Variants in CSTPP1 observed in about 807,000 individuals in gnomAD.
CSTPP1 encodes centriolar satellite-associated tubulin polyglutamylase complex regulator 1, also known as UPF0705 protein C11orf49.
At chr11:47,112,313 ATTTG>A in the CSTPP1 span, among the ~76,000 whole-genome samples, 93 of 150,760 alleles carry the variant, frequency 6.2e-4, no homozygotes, top group African/African-American at 1.9e-3. Context: ...TATATAGCTT[ATTTG>A]TTTGTTTGTT....
At chr11:47,155,201 G>A in the CSTPP1 span, 3 of 1,613,654 alleles carry the variant, frequency 1.9e-6, no homozygotes, top group Non-Finnish European at 8.5e-7. Flanking sequence ...CGATGCCATG[G>A]ACTGCTTGAT....
the CSTPP1 span, among the ~76,000 whole-genome samples, chr11:47,030,308 T>C: frequency 2.4e-4 from 36 of 152,184 alleles, no homozygotes; most frequent in Non-Finnish European, 4.7e-4. Flanking sequence ...CAAGATTCAC[T>C]GGCCGTTTTC....
chr11:47,027,380 G>A, the CSTPP1 span, among the ~76,000 whole-genome samples: 3 of 152,088 alleles, frequency 2.0e-5, no homozygotes, highest in Admixed American at 6.6e-5. Context: ...AGATCCAATG[G>A]GGGGAAGAGT....
chr11:47,087,739 ATTAG>A, the CSTPP1 span, among the ~76,000 whole-genome samples: 1 of 151,750 alleles, frequency 6.6e-6, no homozygotes, highest in Admixed American at 6.6e-5. Context: ...GTGTGTGTGA[ATTAG>A]TTATCTATTT....
At chr11:47,093,273 G>A in the CSTPP1 span, among the ~76,000 whole-genome samples, 1,805 of 152,306 alleles carry the variant, frequency 0.012, 77 homozygotes, top group East Asian at 0.093. Flanking sequence ...CACTTTAACA[G>A]CAAAACTGCA....
At chr11:46,943,192 C>T in the CSTPP1 span, among the ~76,000 whole-genome samples, 4 of 152,008 alleles carry the variant, frequency 2.6e-5, no homozygotes, top group Non-Finnish European at 5.9e-5. Context: ...CAAAAGCAAC[C>T]GAGACTTATT....
chr11:47,103,041 T>C, the CSTPP1 span, among the ~76,000 whole-genome samples: 1 of 140,184 alleles, frequency 7.1e-6, no homozygotes, highest in African/African-American at 2.7e-5. Flanking sequence ...CCCAAAGGCA[T>C]ACTTTGGAGA....
the CSTPP1 span, among the ~76,000 whole-genome samples, chr11:46,966,645 G>A: frequency 6.6e-6 from 1 of 152,160 alleles, no homozygotes; most frequent in East Asian, 1.9e-4. Context: ...GAGCTTGCAT[G>A]TCAAATAATC....
chr11:46,991,034 GATGTGCTAGAGAAATAC>G, the CSTPP1 span, among the ~76,000 whole-genome samples: 1 of 152,100 alleles, frequency 6.6e-6, no homozygotes, highest in Admixed American at 6.5e-5. Flanking sequence ...TTCATGAAAG[GATGTGCTAGAGAAATAC>G]ATATGCCATC....
chr11:47,048,851 A>T, the CSTPP1 span, among the ~76,000 whole-genome samples: 1 of 152,224 alleles, frequency 6.6e-6, no homozygotes, highest in South Asian at 2.1e-4. Context: ...TTACCACATT[A>T]AAAAAGTTTT....
At chr11:47,087,712 A>C in the CSTPP1 span, among the ~76,000 whole-genome samples, 1 of 151,838 alleles carries the variant, frequency 6.6e-6, no homozygotes, top group Non-Finnish European at 1.5e-5. Context: ...GTGTATGTCA[A>C]ATGTATGTGT....
chr11:47,090,582 T>C, the CSTPP1 span, among the ~76,000 whole-genome samples: 1 of 152,142 alleles, frequency 6.6e-6, no homozygotes, highest in Non-Finnish European at 1.5e-5. Context: ...TTCAGCATCA[T>C]GGGGGCTGCA....
At chr11:47,016,069 A>T in the CSTPP1 span, among the ~76,000 whole-genome samples, 1 of 152,060 alleles carries the variant, frequency 6.6e-6, no homozygotes, top group Non-Finnish European at 1.5e-5. Context: ...GTGAGCTGAG[A>T]TCATGCCACT....
At chr11:46,992,972 G>GT in the CSTPP1 span, among the ~76,000 whole-genome samples, 24,487 of 152,068 alleles carry the variant, frequency 0.16, 6,642 homozygotes, top group African/African-American at 0.56. Context: ...TTTGATTTGC[G>GT]TTCTCTGATG....
the CSTPP1 span, among the ~76,000 whole-genome samples, chr11:47,139,638 C>T: frequency 6.6e-6 from 1 of 150,570 alleles, no homozygotes; most frequent in Admixed American, 6.6e-5. Flanking sequence ...TGCCACTGCA[C>T]TCCAGCATGG....
At chr11:47,128,742 A>G in the CSTPP1 span, among the ~76,000 whole-genome samples, 1 of 152,028 alleles carries the variant, frequency 6.6e-6, no homozygotes, top group Non-Finnish European at 1.5e-5. Flanking sequence ...TCAGGCCGGG[A>G]GCAGTGGCTC....
chr11:47,156,389 G>A, the CSTPP1 span, among the ~76,000 whole-genome samples: 2 of 152,094 alleles, frequency 1.3e-5, no homozygotes, highest in African/African-American at 2.4e-5. Context: ...GTGTAGAGAC[G>A]AGATGGGCCA....
chr11:47,147,444 G>A, the CSTPP1 span, among the ~76,000 whole-genome samples: 2 of 152,160 alleles, frequency 1.3e-5, no homozygotes, highest in African/African-American at 2.4e-5. Context: ...TTGGGTTTGG[G>A]TCTTTATTCT....
the CSTPP1 span, among the ~76,000 whole-genome samples, chr11:46,977,092 C>G: frequency 1.3e-5 from 2 of 152,304 alleles, no homozygotes; most frequent in South Asian, 2.1e-4. Flanking sequence ...GATTTGCAAG[C>G]GGAGTGTGTA....
Sources: allele counts gnomAD v4.1 joint callset (sites outside exome capture counted in the v4.1 genomes callset), GRCh38; gene constraint gnomAD v4.1.1; transcripts MANE v1.5; gene names NCBI Gene and HGNC (gene_info 2026-07-23, HGNC 2026-07-21).